GRID2: variants seen among roughly 807,000 people sequenced by gnomAD.
GRID2 encodes the protein glutamate receptor ionotropic, delta-2.
In GRID2, 33 loss-of-function variants were observed where a neutral mutation model predicts 114.8. The observed-to-expected ratio is 0.29, with a 90% CI of 0.22 to 0.38. The LOEUF is 0.38. GRID2 is among the 10% of genes least tolerant of loss of function. The pLI is 1.00. For missense variants in GRID2, 1,184 were observed against 1,257.7 expected, an observed-to-expected ratio of 0.94 and a Z score of 0.89; for synonymous variants, 505 against 449.9, an observed-to-expected ratio of 1.12 and a Z score of -1.55.
intron 3 of GRID2, among the ~76,000 whole-genome samples, chr4:93,085,580 G>T (rs1176003178): frequency 2.6e-5 from 4 of 152,052 alleles, no homozygotes; most frequent in African/African-American, 9.7e-5. Context: ...TGGGAATTTA[G>T]TCATAAAAAC....
intron 3 of GRID2, among the ~76,000 whole-genome samples, chr4:93,089,947 G>A (rs184178026): frequency 6.6e-6 from 1 of 152,194 alleles, no homozygotes; most frequent in African/African-American, 2.4e-5. Flanking sequence ...GGGCTTGTAT[G>A]GCAGCTGAGA....
chr4:92,489,578 G>T (rs915838008), intron 1 of GRID2, among the ~76,000 whole-genome samples: 3 of 152,104 alleles, frequency 2.0e-5, no homozygotes, highest in Admixed American at 1.3e-4. Context: ...GGGCACGGTG[G>T]CTCACTCCTG....
chr4:93,182,430 A>G (rs995631716), intron 4 of GRID2, among the ~76,000 whole-genome samples: 1 of 152,190 alleles, frequency 6.6e-6, no homozygotes, highest in Non-Finnish European at 1.5e-5. Flanking sequence ...TTTAAAATAG[A>G]CTGCATTATC....
At chr4:92,715,860 T>C (rs1560549546) in intron 2 of GRID2, among the ~76,000 whole-genome samples, 1 of 151,910 alleles carries the variant, frequency 6.6e-6, no homozygotes, top group Non-Finnish European at 1.5e-5. Flanking sequence ...AAAATATCAG[T>C]AAGTTGAATT....
intron 2 of GRID2, among the ~76,000 whole-genome samples, chr4:92,841,789 G>A (rs2149410663): frequency 6.6e-6 from 1 of 151,942 alleles, no homozygotes; most frequent in East Asian, 1.9e-4. Context: ...TATATTTATA[G>A]CTTAATTTTT....
chr4:92,457,722 T>A (rs1018408846), intron 1 of GRID2, among the ~76,000 whole-genome samples: 2 of 152,238 alleles, frequency 1.3e-5, no homozygotes, highest in East Asian at 1.9e-4. Flanking sequence ...GACCTTTTTT[T>A]TAAAAATGTG....
At chr4:93,430,845 T>C (rs1208241317) in intron 10 of GRID2, among the ~76,000 whole-genome samples, 1 of 152,144 alleles carries the variant, frequency 6.6e-6, no homozygotes, top group African/African-American at 2.4e-5. Flanking sequence ...AGGTAGTAAT[T>C]ATCTAGGTAA....
chr4:92,782,788 G>A (rs1046303327), intron 2 of GRID2, among the ~76,000 whole-genome samples: 3 of 152,034 alleles, frequency 2.0e-5, no homozygotes, highest in Non-Finnish European at 4.4e-5. Context: ...AGGTGAGATT[G>A]CTCAGGGCTA....
chr4:93,397,911 T>G (rs181733795), intron 9 of GRID2, among the ~76,000 whole-genome samples: 25 of 151,774 alleles, frequency 1.6e-4, no homozygotes, highest in Admixed American at 9.9e-4. Context: ...TTCCTAATAT[T>G]TTTGAGCCTC....
At chr4:93,135,314 G>C (rs573351650) in intron 4 of GRID2, among the ~76,000 whole-genome samples, 1 of 152,142 alleles carries the variant, frequency 6.6e-6, no homozygotes, top group Non-Finnish European at 1.5e-5. Context: ...ACTACAAAGA[G>C]ATTCTATTTT....
At chr4:92,935,479 C>A (rs62311173) in intron 2 of GRID2, among the ~76,000 whole-genome samples, 2,698 of 145,510 alleles carry the variant, frequency 0.019, 129 homozygotes, top group African/African-American at 0.059. Context: ...CAGTGTGGCG[C>A]TTCCTCAGGG....
rs370517679 is a variant in GRID2, at chr4:92,496,390, C to T, written c.89-93741C>T. On this transcript the variant is annotated intron_variant, in intron 1 of 15. Transcript: ENST00000282020. ...AAACAGACAGCCATACTTCTTAGAT[C>T]TTGTATAAATGAGCAGTAAAGAAGG... 2.0e-4 allele frequency among the ~76,000 whole-genome samples: 31 copies of T among 151,888 alleles called. No homozygotes were observed. In the East Asian group the frequency reaches 4.8e-3, roughly 24 times the overall value.
intron 13 of GRID2, among the ~76,000 whole-genome samples, chr4:93,582,257 A>G (rs1220163388): frequency 6.6e-6 from 1 of 152,128 alleles, no homozygotes; most frequent in Non-Finnish European, 1.5e-5. Context: ...AGCCAACAGC[A>G]TCGTATCATC....
At chr4:92,379,610 G>A (rs1318700547) in intron 1 of GRID2, among the ~76,000 whole-genome samples, 3 of 151,844 alleles carry the variant, frequency 2.0e-5, no homozygotes, top group Non-Finnish European at 4.4e-5. Context: ...TTTACAAGAA[G>A]AAAAACTAGA....
At chr4:92,376,097 A>C (rs971975846) in intron 1 of GRID2, among the ~76,000 whole-genome samples, 2 of 151,976 alleles carry the variant, frequency 1.3e-5, no homozygotes, top group African/African-American at 4.8e-5. Context: ...AAAATGGGGA[A>C]AAAATTATAT....
intron 2 of GRID2, among the ~76,000 whole-genome samples, chr4:92,763,826 G>T (rs546136688): frequency 1.5e-3 from 230 of 152,256 alleles, no homozygotes; most frequent in African/African-American, 5.4e-3. Flanking sequence ...GCCTTGAAGG[G>T]CCAGAAGACT....
At chr4:92,418,977 C>G (rs1339462028) in intron 1 of GRID2, among the ~76,000 whole-genome samples, 1 of 152,170 alleles carries the variant, frequency 6.6e-6, no homozygotes, top group Non-Finnish European at 1.5e-5. Flanking sequence ...CTCTCTCCCT[C>G]TCTTTCCTTT....
At chr4:93,229,669 T>A (rs1745890484) in intron 7 of GRID2, among the ~76,000 whole-genome samples, 1 of 152,178 alleles carries the variant, frequency 6.6e-6, no homozygotes, top group Non-Finnish European at 1.5e-5. Flanking sequence ...CGTGTGCTGC[T>A]GCACAAAGTA....
chr4:93,131,111 C>A (rs1734755220), intron 4 of GRID2, among the ~76,000 whole-genome samples: 1 of 147,390 alleles, frequency 6.8e-6, no homozygotes, highest in Non-Finnish European at 1.5e-5. Context: ...TATTTTGGGA[C>A]TGATTGCTAG....
Sources: gnomAD v4.1 joint callset for allele counts (sites outside exome capture counted in the v4.1 genomes callset) on GRCh38, gnomAD v4.1.1 for gene constraint, MANE v1.5 for transcripts, NCBI Gene and HGNC (gene_info 2026-07-23, HGNC 2026-07-21) for gene names.